The following ARIH2 variants were observed in gnomAD, a reference collection of about 807,000 sequenced individuals.
The protein encoded by ARIH2 is E3 ubiquitin-protein ligase ARIH2.
In ARIH2, 12 loss-of-function variants were observed where a neutral mutation model predicts 79.8. The ratio of observed to expected loss-of-function variants is 0.15; its 90% CI spans 0.10 to 0.24. ARIH2 has a LOEUF of 0.24. ARIH2 is among the 10% of genes least tolerant of loss of function. The probability of loss-of-function intolerance (pLI) is 1.00; values close to 1 mark genes in which losing one functional copy is unlikely to be tolerated. For synonymous variants in ARIH2, 224 were observed against 213.9 expected, an observed-to-expected ratio of 1.05 and a Z score of -0.41; for missense variants, 301 against 618.3, an observed-to-expected ratio of 0.49 and a Z score of 5.44.
At chr3:48,960,135 T>C (rs2091094690) in intron 3 of ARIH2, among the ~76,000 whole-genome samples, 1 of 152,196 alleles carries the variant, frequency 6.6e-6, no homozygotes. Flanking sequence ...TGTGTATTGC[T>C]CTCTCTGGGA....
chr3:48,955,491 T>C (rs758347014), intron 3 of ARIH2, among the ~76,000 whole-genome samples: 1 of 152,216 alleles, frequency 6.6e-6, no homozygotes, highest in Non-Finnish European at 1.5e-5. Context: ...GCAAGAGCTC[T>C]TCTTGATTCT....
At chr3:48,940,725 G>T in intron 3 of ARIH2, among the ~76,000 whole-genome samples, 1 of 148,818 alleles carries the variant, frequency 6.7e-6, no homozygotes, top group East Asian at 2.0e-4. Context: ...AACCTGGGAG[G>T]CAGAGGTTCC....
At chr3:48,931,107 A>T (rs1276177023) in intron 3 of ARIH2, among the ~76,000 whole-genome samples, 1 of 152,096 alleles carries the variant, frequency 6.6e-6, no homozygotes, top group Non-Finnish European at 1.5e-5. Context: ...ATTTTTTTAG[A>T]GATGAGCTCT....
chr3:48,948,178 G>A (rs1190819136), intron 3 of ARIH2, among the ~76,000 whole-genome samples: 1 of 151,958 alleles, frequency 6.6e-6, no homozygotes, highest in African/African-American at 2.4e-5. Context: ...AGCCAGGATG[G>A]TCTCGATCTC....
chr3:48,925,779 C>T lies in ARIH2; in HGVS notation c.-97-1683C>T, dbSNP rs189402177. Among the ~76,000 whole-genome samples, 429 of 148,784 alleles carry T rather than the reference C, an allele frequency of 2.9e-3. 3 individuals are homozygous for T. The highest frequency in any genetic ancestry group is 9.9e-3 in the African/African-American group (398 of 40,222). On this transcript the variant is annotated intron_variant, in intron 2 of 15. Transcript: ENST00000356401. ...CTGTTGCCAGGCTGCAGTACAGTGG[C>T]GGGATCTCGGCTCACTGCAACCTCC... is the stretch of plus-strand genomic sequence containing the variant.
In ARIH2 at chr3:48,961,685, G is replaced by T. The variant is rs1231704070; in HGVS notation, c.323+6G>T. 1.3e-6 allele frequency: 2 copies of T among 1,595,292 alleles called. No homozygotes were observed. Among genetic ancestry groups the T allele is most frequent in the South Asian group, 1.1e-5 (1 of 90,624 alleles). ...GTTTCAGAGATATTGGACAGGTAAG[G>T]TATTTGGGGGAGGAGAGAGAACATT... On this transcript the variant is annotated splice_donor_region_variant and intron_variant, in intron 4 of 15. Coordinates refer to ENST00000356401, the MANE Select transcript of ARIH2 (RefSeq NM_006321.4).
chr3:48,975,767 GTTC>G (rs2092463951), intron 11 of ARIH2, among the ~76,000 whole-genome samples: 3 of 151,984 alleles, frequency 2.0e-5, no homozygotes, highest in Non-Finnish European at 2.9e-5. Flanking sequence ...GGTTTGCCAT[GTTC>G]GAGGCTGGTC....
chr3:48,949,157 G>T, intron 3 of ARIH2: 1 of 453,184 alleles, frequency 2.2e-6, no homozygotes, highest in Non-Finnish European at 4.4e-6. Context: ...GTGCTCTGTT[G>T]CCTAGGCTGG....
chr3:48,927,223 A>C (rs1207784178), intron 2 of ARIH2: 1 of 280,128 alleles, frequency 3.6e-6, no homozygotes, highest in Non-Finnish European at 6.8e-6. Flanking sequence ...TTGCCCTGTC[A>C]TGCCAGGCCT....
At chr3:48,920,453 A>C (rs955420565) in intron 1 of ARIH2, among the ~76,000 whole-genome samples, 3 of 84,150 alleles carry the variant, frequency 3.6e-5, no homozygotes, top group African/African-American at 8.0e-5. Flanking sequence ...AGTTTTCCCC[A>C]CCTAAATATT....
intron 6 of ARIH2, among the ~76,000 whole-genome samples, chr3:48,967,674 T>G (rs2091891789): frequency 6.6e-6 from 1 of 152,212 alleles, no homozygotes; most frequent in Non-Finnish European, 1.5e-5. Flanking sequence ...ATACTGTGAT[T>G]TGATGATACT....
At chr3:48,953,920 T>C (rs1367037695) in intron 3 of ARIH2, among the ~76,000 whole-genome samples, 1 of 151,644 alleles carries the variant, frequency 6.6e-6, no homozygotes, top group Non-Finnish European at 1.5e-5. Context: ...TCCCAGCACT[T>C]TGGGAGGCCG....
At chr3:48,931,544 G>A (rs2086361356) in intron 3 of ARIH2, among the ~76,000 whole-genome samples, 1 of 149,616 alleles carries the variant, frequency 6.7e-6, no homozygotes, top group African/African-American at 2.5e-5. Context: ...GTGAGACTCT[G>A]TCTCAAAAAA....
At position 48,959,649 on chromosome 3, in the gene ARIH2, CAAAAAA is replaced by C. The variant is rs71077758; in HGVS notation, c.256-1942_256-1937del. ...AAACCCCGTCTCTACTAAAAAATAC[CAAAAAA>C]AAAAAAAAAAAAAAAAAAAAGAAAA... On this transcript the variant is annotated intron_variant, in intron 3 of 15. Coordinates refer to ENST00000356401, the MANE Select transcript of ARIH2 (RefSeq NM_006321.4). 2.6e-4 allele frequency among the ~76,000 whole-genome samples: 13 copies of C among 50,118 alleles called. No homozygotes were observed. The South Asian group carries it at 2.6e-3, about 10-fold the overall frequency. 32.9% of individuals were successfully genotyped at this position (50,118 alleles called of 152,430 possible).
chr3:48,964,832 T>C (rs1312682343), intron 4 of ARIH2, 87 bp from the exon 5 acceptor site: 17 of 1,039,292 alleles, frequency 1.6e-5, no homozygotes, highest in Non-Finnish European at 2.2e-5. Flanking sequence ...AAAGATGCTC[T>C]AAACATCTTT....
intron 3 of ARIH2, among the ~76,000 whole-genome samples, chr3:48,933,238 GTGTGTGTGTGTGT>G (rs2086628099): frequency 2.3e-3 from 8 of 3,458 alleles, no homozygotes; most frequent in African/African-American, 4.2e-3. Flanking sequence ...ATGCCCGGGT[GTGTGTGTGTGTGT>G]GTGTGTGTGT....
intron 13 of ARIH2, among the ~76,000 whole-genome samples, chr3:48,981,313 C>T (rs2092742463): frequency 6.8e-6 from 1 of 146,614 alleles, no homozygotes; most frequent in Non-Finnish European, 1.5e-5. Context: ...GCCTGGGCAA[C>T]AGAACAAAAC....
chr3:48,943,887 G>A (rs1186624893), intron 3 of ARIH2, among the ~76,000 whole-genome samples: 1 of 152,168 alleles, frequency 6.6e-6, no homozygotes, highest in Non-Finnish European at 1.5e-5. Flanking sequence ...AGTAGCAGTA[G>A]CTGAGACATA....
At chr3:48,956,207 C>T (rs1024571483) in intron 3 of ARIH2, among the ~76,000 whole-genome samples, 2 of 151,098 alleles carry the variant, frequency 1.3e-5, no homozygotes, top group African/African-American at 2.4e-5. Context: ...GGTACCATGT[C>T]GGCTCACTGC....
Sources: allele counts gnomAD v4.1 joint callset (sites outside exome capture counted in the v4.1 genomes callset), GRCh38; gene constraint gnomAD v4.1.1; transcripts MANE v1.5; gene names NCBI Gene and HGNC (gene_info 2026-07-23, HGNC 2026-07-21).